IQCJ: variants seen among roughly 807,000 people sequenced by gnomAD.
IQCJ encodes IQ domain-containing protein J.
IQCJ carries 9 observed loss-of-function variants against 11.0 expected under a neutral mutation model. The ratio of observed to expected loss-of-function variants is 0.82; its 90% CI spans 0.49 to 1.43. The LOEUF (loss-of-function observed/expected upper bound fraction) is 1.43. IQCJ is among the 40% of genes most tolerant of loss of function. The pLI is 0.00. For synonymous variants in IQCJ, 55 were observed against 51.3 expected, an observed-to-expected ratio of 1.07 and a Z score of -0.31; for missense variants, 146 against 133.2, an observed-to-expected ratio of 1.10 and a Z score of -0.47.
chr3:159,153,566 T>G (rs893705897), intron 1 of IQCJ, among the ~76,000 whole-genome samples: 1 of 152,268 alleles, frequency 6.6e-6, no homozygotes, highest in Non-Finnish European at 1.5e-5. Context: ...TTCCTTGTAT[T>G]CTAGTTGTAT....
Position 159,252,776 on chromosome 3 carries a change from A to T in IQCJ, c.124A>T (p.Asn42Tyr). 3 of 1,612,778 alleles carry T rather than the reference A, an allele frequency of 1.9e-6. No individual in the cohort carries two copies. The highest frequency in any genetic ancestry group is 2.5e-6 in the Non-Finnish European group (3 of 1,179,284). ...AENNIEKYPLNLQPLESKVKI... is the reference protein window; with the variant it reads ...AENNIEKYPLYLQPLESKVKI... ...GAATAATATTGAAAAGTATCCCCTC[A>T]ATCTACAGCCCTTGGAATCAAAGGT... Residue 42 changes from asparagine to tyrosine, a missense_variant, in exon 3 of 4, where the codon AAT becomes TAT. Physicochemically the swap from Asn to Tyr is moderately radical, Grantham distance 143. Transcript: ENST00000397832.
At chr3:159,182,153 C>G (rs1013774001) in intron 1 of IQCJ, among the ~76,000 whole-genome samples, 1 of 151,790 alleles carries the variant, frequency 6.6e-6, no homozygotes, top group African/African-American at 2.4e-5. Context: ...AATATTCTCT[C>G]CCTACTTCTT....
chr3:159,245,746 GT>G (rs1727232649), intron 1 of IQCJ, 96 bp from the exon 2 acceptor site: 1 of 1,054,618 alleles, frequency 9.5e-7, no homozygotes, highest in Non-Finnish European at 1.4e-6. Flanking sequence ...AACTCTTAAT[GT>G]TGTGTTGTAT....
intron 1 of IQCJ, among the ~76,000 whole-genome samples, chr3:159,070,403 C>G (rs569414043): frequency 4.6e-5 from 7 of 152,166 alleles, no homozygotes; most frequent in African/African-American, 1.7e-4. Context: ...AAGGTTCATA[C>G]TTAATTGCTA....
At chr3:159,119,558 A>C (rs1719228786) in intron 1 of IQCJ, among the ~76,000 whole-genome samples, 1 of 152,220 alleles carries the variant, frequency 6.6e-6, no homozygotes, top group East Asian at 1.9e-4. Context: ...CATCAGAAAA[A>C]AACATTCCAT....
intron 1 of IQCJ, among the ~76,000 whole-genome samples, chr3:159,092,825 T>A (rs548834337): frequency 6.6e-6 from 1 of 151,600 alleles, no homozygotes; most frequent in Non-Finnish European, 1.5e-5. Flanking sequence ...TATAGTATAT[T>A]GTGTCATGTA....
At chr3:159,213,941 C>A (rs1419552268) in intron 1 of IQCJ, among the ~76,000 whole-genome samples, 1 of 152,172 alleles carries the variant, frequency 6.6e-6, no homozygotes, top group Non-Finnish European at 1.5e-5. Flanking sequence ...ACTTTTGGGG[C>A]TTCTTTCTTT....
At chr3:159,221,828 A>C (rs866148915) in intron 1 of IQCJ, among the ~76,000 whole-genome samples, 1 of 152,148 alleles carries the variant, frequency 6.6e-6, no homozygotes, top group Admixed American at 6.5e-5. Context: ...AATAAAAAAA[A>C]AAAAAGAAAG....
chr3:159,176,289 T>C (rs1331831061), intron 1 of IQCJ, among the ~76,000 whole-genome samples: 1 of 152,112 alleles, frequency 6.6e-6, no homozygotes, highest in Non-Finnish European at 1.5e-5. Context: ...TTTTTAATTT[T>C]TCTAGTTTTA....
intron 1 of IQCJ, among the ~76,000 whole-genome samples, chr3:159,172,406 G>C (rs1265972025): frequency 2.0e-5 from 3 of 150,936 alleles, no homozygotes; most frequent in Middle Eastern, 3.4e-3. Flanking sequence ...TAAAAGTCAT[G>C]CTAAGATGAT....
intron 1 of IQCJ, among the ~76,000 whole-genome samples, chr3:159,189,550 T>C (rs1338185444): frequency 2.0e-5 from 3 of 152,172 alleles, no homozygotes; most frequent in Non-Finnish European, 2.9e-5. Context: ...CTGAAACTGA[T>C]TGGAGTAGAC....
intron 3 of IQCJ, among the ~76,000 whole-genome samples, chr3:159,261,507 G>T (rs747604124): frequency 1.3e-5 from 2 of 152,170 alleles, no homozygotes; most frequent in Non-Finnish European, 2.9e-5. Context: ...CCCCCATGCC[G>T]TTCTGTTGAT....
downstream of IQCJ, chr3:159,266,061 CTTG>C (rs561212743): frequency 4.1e-4 from 63 of 152,346 alleles, no homozygotes; most frequent in African/African-American, 1.5e-3. Flanking sequence ...AAGCTGAGCA[CTTG>C]TTATGTGCCA....
At chr3:159,233,915 G>A (rs995716091) in intron 1 of IQCJ, among the ~76,000 whole-genome samples, 1 of 152,196 alleles carries the variant, frequency 6.6e-6, no homozygotes, top group African/African-American at 2.4e-5. Context: ...AATGGAAGGA[G>A]TTGCTTTCTA....
At chr3:159,238,712 G>A (rs1053949603) in intron 1 of IQCJ, among the ~76,000 whole-genome samples, 2 of 152,136 alleles carry the variant, frequency 1.3e-5, no homozygotes, top group African/African-American at 4.8e-5. Flanking sequence ...GGGAAAATTG[G>A]GGTCTTCCCG....
chr3:159,191,940 C>G (rs1318662565), intron 1 of IQCJ, among the ~76,000 whole-genome samples: 2 of 152,140 alleles, frequency 1.3e-5, no homozygotes, highest in South Asian at 2.1e-4. Flanking sequence ...TTGGTACATT[C>G]CTCCATAAAG....
chr3:159,179,969 G>C (rs1337860144), intron 1 of IQCJ, among the ~76,000 whole-genome samples: 1 of 69,810 alleles, frequency 1.4e-5, no homozygotes, highest in African/African-American at 4.5e-5. Context: ...AGCAGTTCAT[G>C]GCAGGTGAAA....
Position 159,225,377 on chromosome 3 carries a change from A to T in IQCJ, c.10-20466A>T, listed in dbSNP as rs182718682. Among the ~76,000 whole-genome samples, 206 of 152,268 alleles carry T rather than the reference A, an allele frequency of 1.4e-3. 1 individual carries two copies. The highest frequency in any genetic ancestry group is 4.7e-3 in the African/African-American group (197 of 41,562). ...AAAGTAATATTTACTAGAGGTAAGG[A>T]TTTGGGAAAGGAGGGGTGGTTATGG... On this transcript the variant is annotated intron_variant, in intron 1 of 3. Coordinates refer to ENST00000397832, the MANE Select transcript of IQCJ (RefSeq NM_001042706.3).
intron 1 of IQCJ, among the ~76,000 whole-genome samples, chr3:159,111,770 C>CA (rs1718647455): frequency 6.6e-6 from 1 of 152,146 alleles, no homozygotes; most frequent in Admixed American, 6.5e-5. Flanking sequence ...AAATTGGTCA[C>CA]ATTAAAGTAA....
Sources: gnomAD v4.1 joint callset for allele counts (sites outside exome capture counted in the v4.1 genomes callset) on GRCh38, gnomAD v4.1.1 for gene constraint, MANE v1.5 for transcripts, NCBI Gene and HGNC (gene_info 2026-07-23, HGNC 2026-07-21) for gene names.